SRRM2: variants seen among roughly 807,000 people sequenced by gnomAD.
The protein encoded by SRRM2 is serine/arginine repetitive matrix protein 2.
In SRRM2, 30 loss-of-function variants were observed where a neutral mutation model predicts 213.8. The observed-to-expected ratio is 0.14, with a 90% confidence interval of 0.10 to 0.19. The LOEUF (loss-of-function observed/expected upper bound fraction) is 0.19, where lower values mean the gene tolerates loss of function less well. Among genes scored for constraint, SRRM2 ranks in the 10% least tolerant of loss-of-function variants. The pLI is 1.00. For synonymous variants in SRRM2, 2,025 were observed against 1,377.7 expected, an observed-to-expected ratio of 1.47 and a Z score of -10.40; for missense variants, 4,904 against 3,647.0, an observed-to-expected ratio of 1.34 and a Z score of -8.88.
chr16:2,757,976 T>G, intron 4 of SRRM2, 31 bp downstream of exon 4: 4 of 1,589,200 alleles, frequency 2.5e-6, no homozygotes, highest in South Asian at 1.1e-5. Flanking sequence ...ACTGTCAGCT[T>G]CTTTTCTTGA....
chr16:2,753,113 G>T (rs2067995314), intron 1 of SRRM2, among the ~76,000 whole-genome samples: 1 of 151,978 alleles, frequency 6.6e-6, no homozygotes, highest in Admixed American at 6.5e-5. Context: ...CTTGGTGAGG[G>T]GGGAGGGCGC....
At position 2,756,636 on chromosome 16, in the gene SRRM2, C is replaced by T. The variant is rs373667193; in HGVS notation, c.242+30C>T. The T allele has an allele frequency of 7.5e-6, 12 of 1,595,130 alleles. No individual in the cohort carries two copies. In the African/African-American group the frequency reaches 1.1e-4, roughly 14 times the overall value. ...GGGAGAGCTGGGGGAGAGTCAAGCA[C>T]TGAATGAGTGCAGAGCTGGGGGTGT... On this transcript the variant is annotated intron_variant, in intron 2 of 14. Coordinates refer to ENST00000301740, the MANE Select transcript of SRRM2 (RefSeq NM_016333.4).
At position 2,768,201 on chromosome 16, in the gene SRRM2, C is replaced by T; in HGVS notation, c.7673C>T (p.Ser2558Phe). The T allele has an allele frequency of 1.2e-6, 2 of 1,607,106 alleles. No homozygotes were observed. Among genetic ancestry groups the T allele is most frequent in the South Asian group, 1.1e-5 (1 of 89,838 alleles). Residue 2558 changes from serine (S) to phenylalanine (F), a missense_variant, in exon 11 of 15, where the codon TCC (serine) becomes TTC (phenylalanine). By Grantham distance (155) the Ser-to-Phe change is radical. Coordinates refer to ENST00000301740, the MANE Select transcript of SRRM2 (RefSeq NM_016333.4). ...SSSSSSSSSG[S>F]SSSDSEGSSL... Reference sequence around the variant, plus strand: ...TCGTCGTCCTCCTCCTCCTCTGGCTCCAGTTCTAGTGACTCAGAGGGCTCT... The same window carrying T: ...TCGTCGTCCTCCTCCTCCTCTGGCTTCAGTTCTAGTGACTCAGAGGGCTCT...
chr16:2,763,544 G>T lies in SRRM2; in HGVS notation c.3016G>T (p.Gly1006Trp), dbSNP rs2068437791. Residue 1006 changes from glycine to tryptophan, a missense_variant, in exon 11 of 15, where the codon GGG becomes TGG. By Grantham distance (184) the Gly-to-Trp change is radical. Coordinates refer to ENST00000301740, the MANE Select transcript of SRRM2 (RefSeq NM_016333.4). ...YPKVKAQTPP[G>W]PSLSGSKSPC... ...CAAAGTAAAGGCCCAAACTCCACCG[G>T]GGCCAAGTCTTTCTGGATCAAAGTC... 6.2e-7 allele frequency: 1 copy of T among 1,613,948 alleles called. No individual in the cohort carries two copies. The highest frequency in any genetic ancestry group is 1.3e-5 in the African/African-American group (1 of 74,882).
Position 2,765,629 on chromosome 16 carries a change from G to A in SRRM2, c.5101G>A (p.Ala1701Thr). ...SRSSPELTRK[A>T]RLSRRSRSAS... The stretch of plus-strand genomic sequence containing the variant: ...ATCATCTCCGGAGCTAACAAGGAAG[G>A]CCAGACTGTCCCGTAGAAGCCGCTC... Residue 1701 changes from alanine to threonine, a missense_variant, in exon 11 of 15, where the codon GCC (alanine) becomes ACC (threonine). Ala to Thr is a moderately conservative substitution (Grantham distance 58, BLOSUM62 0). Coordinates refer to ENST00000301740, the MANE Select transcript of SRRM2 (RefSeq NM_016333.4). 6.2e-7 allele frequency: 1 copy of A among 1,614,106 alleles called. No homozygotes were observed. Among genetic ancestry groups the A allele is most frequent in the Non-Finnish European group, 8.5e-7 (1 of 1,180,018 alleles).
chr16:2,754,035 T>C (rs1424776351), intron 1 of SRRM2, among the ~76,000 whole-genome samples: 2 of 152,250 alleles, frequency 1.3e-5, no homozygotes, highest in Non-Finnish European at 2.9e-5. Context: ...TCTTCCTTTG[T>C]ACTTTTTACT....
Position 2,764,627 on chromosome 16 carries a change from C to G in SRRM2, c.4099C>G (p.Pro1367Ala), listed in dbSNP as rs2068475897. The G allele has an allele frequency of 6.2e-7, 1 of 1,614,080 alleles. No homozygotes were observed. Among genetic ancestry groups the G allele is most frequent in the Non-Finnish European group, 8.5e-7 (1 of 1,180,038 alleles). The change falls in exon 11 of 15, where the codon CCA becomes GCA. Residue 1367 changes from proline to alanine, a missense_variant. Pro to Ala is a conservative substitution (Grantham distance 27, BLOSUM62 -1). Coordinates refer to ENST00000301740, the MANE Select transcript of SRRM2 (RefSeq NM_016333.4). ...GPFLNQLETD[P>A]SLDMKEQSTR... ...GTTTCTTAATCAGCTGGAAACAGAT[C>G]CATCTCTAGACATGAAAGAACAATC... is the stretch of plus-strand genomic sequence containing the variant.
Position 2,770,922 on chromosome 16 carries a change from C to G in SRRM2, c.*55C>G, listed in dbSNP as rs772226945. 6.2e-7 allele frequency: 1 copy of G among 1,610,550 alleles called. No individual in the cohort carries two copies. The highest frequency in any genetic ancestry group is 8.5e-7 in the Non-Finnish European group (1 of 1,178,230). On this transcript the variant is annotated 3_prime_UTR_variant, in exon 15 of 15. Coordinates refer to ENST00000301740, the MANE Select transcript of SRRM2 (RefSeq NM_016333.4). Reference sequence around the variant, plus strand: ...ATGCTCTGGAGCCACAAGGAGTGTCCCTTCTTCCCCAGCAGAGCCGTGGGA... The same window carrying G: ...ATGCTCTGGAGCCACAAGGAGTGTCGCTTCTTCCCCAGCAGAGCCGTGGGA...
chr16:2,768,443 C>T (rs764926507), intron 11 of SRRM2, 182 bp downstream of exon 11: 9 of 686,578 alleles, frequency 1.3e-5, no homozygotes, highest in Admixed American at 7.6e-5. Flanking sequence ...AGGAATGGGA[C>T]AGATAAAAGT....
At position 2,770,411 on chromosome 16, in the gene SRRM2, C is replaced by G. The variant is rs766082064; in HGVS notation, c.8081C>G (p.Ser2694Trp). Residue 2694 changes from serine (S) to tryptophan (W), a missense_variant, in exon 13 of 15, where the codon TCG (serine) becomes TGG (tryptophan). Physicochemically the swap from Ser to Trp is radical, Grantham distance 177. Coordinates refer to ENST00000301740, the MANE Select transcript of SRRM2 (RefSeq NM_016333.4). ...AGGGACTCTCGGTCCCTCAGCTACT[C>G]GCCTGTGGAGCGTCGCCGTCCCTCG... Reference protein sequence around the residue: ...SLRDSRSLSYSPVERRRPSPQ... With the variant: ...SLRDSRSLSYWPVERRRPSPQ... 1.2e-6 allele frequency: 2 copies of G among 1,610,992 alleles called. No homozygotes were observed. Among genetic ancestry groups the G allele is most frequent in the Non-Finnish European group, 1.7e-6 (2 of 1,178,806 alleles).
Position 2,766,739 on chromosome 16 carries a change from T to C in SRRM2, c.6211T>C (p.Ser2071Pro), listed in dbSNP as rs1567241007. The C allele has an allele frequency of 1.2e-6, 2 of 1,614,074 alleles. No homozygotes were observed. The highest frequency in any genetic ancestry group is 2.2e-5 in the East Asian group (1 of 44,886). ...TCGGGGTAAACGGTCCTTAACAAGA[T>C]CTCCTCCAGCCATCCGCAGGCGTTC... Reference protein sequence around the residue: ...TARGKRSLTRSPPAIRRRSAS... With the variant: ...TARGKRSLTRPPPAIRRRSAS... Residue 2071 changes from serine (S) to proline (P), a missense_variant, in exon 11 of 15, where the codon TCT becomes CCT. Ser to Pro is a moderately conservative substitution (Grantham distance 74, BLOSUM62 -1). Coordinates refer to ENST00000301740, the MANE Select transcript of SRRM2 (RefSeq NM_016333.4). This position sits in a 1 kb window ranked among gnomAD's most constrained non-coding sequence, Gnocchi z 7.0.
rs1240350872 is a variant in SRRM2 at position 2,771,338 on chromosome 16, A to G, written c.*471A>G. The G allele has an allele frequency of 1.4e-6, 2 of 1,451,682 alleles. No homozygotes were observed. The highest frequency in any genetic ancestry group is 9.6e-7 in the Non-Finnish European group (1 of 1,036,616). The allele number at this position is 1,451,682 out of a possible 1,614,324, so 89.9% of individuals were successfully genotyped here. On this transcript the variant is annotated 3_prime_UTR_variant, in exon 15 of 15. Coordinates refer to ENST00000301740, the MANE Select transcript of SRRM2 (RefSeq NM_016333.4). ...TCCCCCCAACTTTTCATGTTTCTTA[A>G]AGGCATTTTGGTTTTTTAAAATCTG... is the stretch of plus-strand genomic sequence containing the variant.
intron 9 of SRRM2, chr16:2,759,967 T>C: frequency 1.9e-6 from 1 of 537,586 alleles, no homozygotes; most frequent in South Asian, 2.3e-5. Context: ...TACCCTGGCT[T>C]CCTTAATCGG....
rs1419536878 is a variant in SRRM2, at chr16:2,766,408, C to T, written c.5880C>T (p.Ser1960=). The change falls in exon 11 of 15, where the codon TCC becomes TCT. Residue 1960 remains serine, a synonymous_variant. Transcript: ENST00000301740. The surrounding 1 kb of genome is among the most constrained non-coding windows in gnomAD (Gnocchi z 7.0). ...TPPVTRRRSR[S]RTPPVTRRRS... ...CAGTGACTCGCAGAAGGTCCAGATC[C>T]AGGACTCCACCAGTAACCAGGAGGC... 2 of 1,613,260 alleles carry T rather than the reference C, an allele frequency of 1.2e-6. No individual in the cohort carries two copies.
At position 2,763,298 on chromosome 16, in the gene SRRM2, T is replaced by C. The variant is rs746521269; in HGVS notation, c.2770T>C (p.Ser924Pro). Reference sequence around the variant, plus strand: ...ACAACCCAAAGTGAAGGCAATAATATCACCAAGACAAAGAAGCCATTCTGG... The same window carrying C: ...ACAACCCAAAGTGAAGGCAATAATACCACCAAGACAAAGAAGCCATTCTGG... Reference protein sequence around the residue: ...SPQPKVKAIISPRQRSHSGSS... With the variant: ...SPQPKVKAIIPPRQRSHSGSS... The change falls in exon 11 of 15, where the codon TCA becomes CCA. Residue 924 changes from serine (S) to proline (P), a missense_variant. Coordinates refer to ENST00000301740, the MANE Select transcript of SRRM2 (RefSeq NM_016333.4). The C allele has an allele frequency of 6.1e-5, 98 of 1,613,892 alleles. No homozygotes were observed. The Admixed American group carries it at 1.6e-3, about 27-fold the overall frequency.
Position 2,766,684 on chromosome 16 carries a change from C to G in SRRM2, c.6156C>G (p.Arg2052=). The change falls in exon 11 of 15, where the codon CGC becomes CGG. Residue 2052 remains arginine, a synonymous_variant. Transcript: ENST00000301740. The surrounding 1 kb of genome is among the most constrained non-coding windows in gnomAD (Gnocchi z 7.0). The stretch of plus-strand genomic sequence containing the variant: ...GTCGCTCACCACTTGCTATCCGCCG[C>G]CGCTCCAGATCCCGTACTCCACGAA... ...SRSRSPLAIR[R]RSRSRTPRTA... 6.2e-7 allele frequency: 1 copy of G among 1,614,220 alleles called. No individual in the cohort carries two copies. Among genetic ancestry groups the G allele is most frequent in the South Asian group, 1.1e-5 (1 of 91,088 alleles).
intron 12 of SRRM2, 109 bp from the exon 13 acceptor site, chr16:2,770,243 G>A (rs2068693381): frequency 2.0e-6 from 3 of 1,465,984 alleles, no homozygotes; most frequent in Non-Finnish European, 1.8e-6. Flanking sequence ...TCTGAGGCTG[G>A]CCCTGTGTGG....
In SRRM2 at chr16:2,756,346, C is replaced by A; in HGVS notation, c.-19C>A. ...CGCTCCCCCTCAGGAGCGGTGGTGC[C>A]CCCCCCGGGCACGGGGCCATGTACA... is the stretch of plus-strand genomic sequence containing the variant. On this transcript the variant is annotated 5_prime_UTR_variant, in exon 2 of 15. Coordinates refer to ENST00000301740, the MANE Select transcript of SRRM2 (RefSeq NM_016333.4). The A allele has an allele frequency of 6.3e-7, 1 of 1,584,064 alleles. No individual in the cohort carries two copies.
At position 2,765,060 on chromosome 16, in the gene SRRM2, C is replaced by G; in HGVS notation, c.4532C>G (p.Thr1511Ser). 6.2e-7 allele frequency: 1 copy of G among 1,613,998 alleles called. No individual in the cohort carries two copies. The highest frequency in any genetic ancestry group is 8.5e-7 in the Non-Finnish European group (1 of 1,180,036). The part of the protein sequence containing the change: ...SSPELNNKCL[T>S]PQRERSGSES... ...CCAGAGCTCAACAACAAGTGTCTTA[C>G]CCCCCAGAGAGAAAGAAGCGGGTCA... Residue 1511 changes from threonine to serine, a missense_variant, in exon 11 of 15, where the codon ACC becomes AGC. Coordinates refer to ENST00000301740, the MANE Select transcript of SRRM2 (RefSeq NM_016333.4).
Sources: gnomAD v4.1 joint callset for allele counts (sites outside exome capture counted in the v4.1 genomes callset) on GRCh38, gnomAD v4.1.1 for gene constraint, Gnocchi (gnomAD v3.1) non-coding constraint, MANE v1.5 for transcripts, NCBI Gene and HGNC (gene_info 2026-07-23, HGNC 2026-07-21) for gene names.